Variants in PYGB observed in about 807,000 individuals in gnomAD.
PYGB encodes the protein glycogen phosphorylase, brain form.
A neutral mutation model predicts 94.3 loss-of-function variants in PYGB; 82 were observed. The ratio of observed to expected loss-of-function variants is 0.87; its 90% CI spans 0.73 to 1.04. The LOEUF (loss-of-function observed/expected upper bound fraction) is 1.04, where lower values mean the gene tolerates loss of function less well. Among genes scored for constraint, PYGB ranks in the 50% least tolerant of loss-of-function variants. The pLI, the probability that PYGB is intolerant of heterozygous loss-of-function variation, is 0.00. For missense variants in PYGB, 1,132 were observed against 1,158.2 expected, an observed-to-expected ratio of 0.98 and a Z score of 0.33; for synonymous variants, 488 against 479.1, an observed-to-expected ratio of 1.02 and a Z score of -0.24.
intron 4 of PYGB, among the ~76,000 whole-genome samples, chr20:25,273,319 A>G (rs2088282939): frequency 6.6e-6 from 1 of 152,126 alleles, no homozygotes; most frequent in Non-Finnish European, 1.5e-5. Context: ...CGCCACCAGA[A>G]GGGTCTTGCT....
chr20:25,280,520 C>G (rs2123572034), intron 10 of PYGB, 108 bp downstream of exon 10: 1 of 1,429,614 alleles, frequency 7.0e-7, no homozygotes, highest in Non-Finnish European at 9.6e-7. Context: ...GAGGCACCCT[C>G]TGTTCAGCAG....
intron 3 of PYGB, among the ~76,000 whole-genome samples, chr20:25,270,259 G>A (rs568116068): frequency 5.2e-4 from 77 of 146,802 alleles, no homozygotes; most frequent in African/African-American, 1.8e-3. Flanking sequence ...CTGGAGTGCA[G>A]TGGGTGATCT....
At chr20:25,275,574 GTGGC>G (rs1157197448) in intron 5 of PYGB, among the ~76,000 whole-genome samples, 2 of 152,264 alleles carry the variant, frequency 1.3e-5, no homozygotes, top group Admixed American at 6.5e-5. Flanking sequence ...TGGGCTTCGA[GTGGC>G]TGGGGCCATG....
intron 17 of PYGB, 53 bp from the exon 18 acceptor site, chr20:25,294,105 A>G: frequency 6.3e-7 from 1 of 1,595,978 alleles, no homozygotes; most frequent in Non-Finnish European, 8.5e-7. Context: ...CTTGTTCTCC[A>G]AGGTGGCCCA....
At chr20:25,275,891 G>A (rs949937187) in intron 5 of PYGB, among the ~76,000 whole-genome samples, 3 of 152,224 alleles carry the variant, frequency 2.0e-5, no homozygotes, top group Admixed American at 6.5e-5. Flanking sequence ...TGGTGGCCCC[G>A]GTGCGCCGCC....
At chr20:25,280,666 C>T (rs184136622) in intron 10 of PYGB, among the ~76,000 whole-genome samples, 1 of 152,360 alleles carries the variant, frequency 6.6e-6, no homozygotes, top group East Asian at 1.9e-4. Context: ...CAGACAGCAG[C>T]CCTGTGGGTC....
rs183807756 is a variant in PYGB, at chr20:25,294,664, G to A, written c.2312+372G>A. ...AACTCCCTGGGGTGGGGTAGGGGGCGCACAAGGGCTGCGGAACCGCGGCAG... is the reference window on the plus strand; with the variant it reads ...AACTCCCTGGGGTGGGGTAGGGGGCACACAAGGGCTGCGGAACCGCGGCAG... On this transcript the variant is annotated intron_variant, in intron 18 of 19. Coordinates refer to ENST00000216962, the MANE Select transcript of PYGB (RefSeq NM_002862.4). The A allele has an allele frequency of 2.2e-4, 124 of 568,260 alleles. No homozygotes were observed. The East Asian group carries it at 3.4e-3, about 15-fold the overall frequency. The allele number at this position is 568,260 out of a possible 1,614,324, so 35.2% of individuals were successfully genotyped here.
At chr20:25,254,128 G>T (rs1400699325) in intron 1 of PYGB, among the ~76,000 whole-genome samples, 2 of 151,096 alleles carry the variant, frequency 1.3e-5, no homozygotes, top group African/African-American at 2.4e-5. Context: ...CCCAAAAACG[G>T]CAGTGAGTAC....
chr20:25,269,242 C>T (rs761708623), intron 3 of PYGB, 35 bp downstream of exon 3: 2 of 1,511,448 alleles, frequency 1.3e-6, no homozygotes, highest in South Asian at 2.3e-5. Context: ...CTCTCTCGGA[C>T]CCGTTGGCTT....
chr20:25,280,213 A>G, intron 9 of PYGB, 53 bp from the exon 10 acceptor site: 2 of 1,594,632 alleles, frequency 1.3e-6, no homozygotes, highest in Non-Finnish European at 1.7e-6. Flanking sequence ...GCAACTGGCC[A>G]GAGAGCTGCT....
intron 1 of PYGB, among the ~76,000 whole-genome samples, chr20:25,255,981 C>CCT (rs1363440689): frequency 6.6e-6 from 1 of 152,190 alleles, no homozygotes; most frequent in East Asian, 1.9e-4. Flanking sequence ...GATATACCTG[C>CCT]CTCAGCCTCC....
Position 25,296,439 on chromosome 20 carries a change from A to G in PYGB, c.2449A>G (p.Thr817Ala), listed in dbSNP as rs766556780. ...ACSGKFSSDR[T>A]ITEYAREIWG... Reference sequence around the variant, plus strand: ...CTCGGGCAAGTTCTCCAGTGACCGGACCATCACGGAGTATGCACGGGAGAT... The same window carrying G: ...CTCGGGCAAGTTCTCCAGTGACCGGGCCATCACGGAGTATGCACGGGAGAT... The change falls in exon 20 of 20, where the codon ACC becomes GCC. Residue 817 changes from threonine to alanine, a missense_variant. Coordinates refer to ENST00000216962, the MANE Select transcript of PYGB (RefSeq NM_002862.4). The G allele has an allele frequency of 6.2e-7, 1 of 1,614,012 alleles. No homozygotes were observed. The highest frequency in any genetic ancestry group is 8.5e-7 in the Non-Finnish European group (1 of 1,180,022).
At chr20:25,280,204 C>CCACCAGAG in intron 9 of PYGB, 62 bp from the exon 10 acceptor site, 1 of 1,580,130 alleles carries the variant, frequency 6.3e-7, no homozygotes, top group Non-Finnish European at 8.7e-7. Context: ...CCTGCCTAGG[C>CCACCAGAG]AACTGGCCAG....
intron 9 of PYGB, among the ~76,000 whole-genome samples, chr20:25,279,512 A>T (rs905066446): frequency 6.6e-6 from 1 of 152,132 alleles, no homozygotes; most frequent in Non-Finnish European, 1.5e-5. Context: ...TTGGACTTAA[A>T]TATGTTTGTG....
intron 14 of PYGB, among the ~76,000 whole-genome samples, chr20:25,286,267 G>A (rs2088417417): frequency 6.6e-6 from 1 of 152,182 alleles, no homozygotes; most frequent in Non-Finnish European, 1.5e-5. Flanking sequence ...GGCGTGAGGT[G>A]GCTTTCTCTG....
chr20:25,289,613 C>T (rs1056995193), intron 15 of PYGB, among the ~76,000 whole-genome samples: 25 of 151,572 alleles, frequency 1.6e-4, no homozygotes, highest in Non-Finnish European at 3.5e-4. Flanking sequence ...TACTGCACTC[C>T]AGTGTGGGCA....
At chr20:25,267,110 TAAAC>T (rs2088225095) in intron 2 of PYGB, among the ~76,000 whole-genome samples, 1 of 152,104 alleles carries the variant, frequency 6.6e-6, no homozygotes, top group Non-Finnish European at 1.5e-5. Flanking sequence ...ATAGGGTAGG[TAAAC>T]AAAATGTGGG....
At chr20:25,262,826 A>G (rs923840841) in intron 2 of PYGB, among the ~76,000 whole-genome samples, 6 of 152,212 alleles carry the variant, frequency 3.9e-5, no homozygotes, top group Non-Finnish European at 7.3e-5. Context: ...CTAGTCTCTG[A>G]TAAAACAGAC....
At chr20:25,260,723 T>C (rs2092911452) in intron 2 of PYGB, among the ~76,000 whole-genome samples, 1 of 152,216 alleles carries the variant, frequency 6.6e-6, no homozygotes, top group African/African-American at 2.4e-5. Flanking sequence ...GAATTCCCTT[T>C]CCTAGCCAAG....
Sources: allele counts gnomAD v4.1 joint callset (sites outside exome capture counted in the v4.1 genomes callset), GRCh38; gene constraint gnomAD v4.1.1; transcripts MANE v1.5; gene names NCBI Gene and HGNC (gene_info 2026-07-23, HGNC 2026-07-21).